ARHGAP10: variants seen among roughly 807,000 people sequenced by gnomAD.
ARHGAP10 encodes the protein Rho GTPase activating protein 10.
In ARHGAP10, 87 loss-of-function variants were observed where a neutral mutation model predicts 108.6. That is an observed-to-expected ratio of 0.80 (90% CI 0.67 to 0.96). The LOEUF (loss-of-function observed/expected upper bound fraction) is 0.96, where lower values mean the gene tolerates loss of function less well. ARHGAP10 is among the 40% of genes least tolerant of loss of function. The pLI is 0.00. For missense variants in ARHGAP10, 939 were observed against 954.5 expected (o/e 0.98, Z 0.21); for synonymous variants, 347 against 341.1 (o/e 1.02, Z -0.19).
intron 19 of ARHGAP10, among the ~76,000 whole-genome samples, chr4:148,041,054 C>A (rs943370567): frequency 3.3e-5 from 5 of 152,118 alleles, no homozygotes; most frequent in African/African-American, 1.2e-4. Context: ...TTTCAGCGTC[C>A]CCCAGCTAGC....
At chr4:147,942,153 TTTA>T (rs1223294470) in intron 14 of ARHGAP10, among the ~76,000 whole-genome samples, 4 of 152,214 alleles carry the variant, frequency 2.6e-5, no homozygotes, top group Admixed American at 2.6e-4. Context: ...GCAATTAGTG[TTTA>T]TTATTATTCC....
intron 13 of ARHGAP10, among the ~76,000 whole-genome samples, chr4:147,920,421 C>CA (rs992662212): frequency 3.3e-5 from 5 of 150,222 alleles, no homozygotes. Flanking sequence ...GAAACAAAAA[C>CA]AAAAAACCCA....
intron 1 of ARHGAP10, among the ~76,000 whole-genome samples, chr4:147,820,164 A>G (rs534992703): frequency 1.1e-4 from 16 of 152,296 alleles, no homozygotes; most frequent in South Asian, 1.0e-3. Context: ...AGGGAATAGC[A>G]AGTAAAGGGT....
At chr4:148,016,346 G>C (rs978730433) in intron 18 of ARHGAP10, among the ~76,000 whole-genome samples, 1 of 151,982 alleles carries the variant, frequency 6.6e-6, no homozygotes, top group African/African-American at 2.4e-5. Flanking sequence ...CTACAAAAAC[G>C]TTAAAAATTA....
In ARHGAP10 at chr4:147,994,930, A is replaced by G. The variant is rs1331550429; in HGVS notation, c.1716+28091A>G. 2.0e-5 allele frequency among the ~76,000 whole-genome samples: 3 copies of G among 152,228 alleles called. No individual in the cohort carries two copies. The South Asian group carries it at 6.2e-4, about 32-fold the overall frequency. ...TGCTAATAAGCACAGAGTAAGCTGT[A>G]CTTATTGATGGGTCGACGTGGAAAG... On this transcript the variant is annotated intron_variant, in intron 18 of 22. Transcript: ENST00000336498.
intron 8 of ARHGAP10, among the ~76,000 whole-genome samples, chr4:147,878,000 G>A (rs939219547): frequency 5.9e-5 from 9 of 151,906 alleles, no homozygotes; most frequent in Non-Finnish European, 1.2e-4. Flanking sequence ...GCAGTGGCAC[G>A]ATCTCATCTC....
chr4:147,947,736 T>G (rs139588840), intron 15 of ARHGAP10, among the ~76,000 whole-genome samples: 309 of 152,232 alleles, frequency 2.0e-3, no homozygotes, highest in Admixed American at 3.6e-3. Flanking sequence ...TACATAGGGT[T>G]GTTTTTCAGG....
intron 13 of ARHGAP10, among the ~76,000 whole-genome samples, chr4:147,928,619 A>G (rs1737552568): frequency 6.6e-6 from 1 of 152,196 alleles, no homozygotes; most frequent in South Asian, 2.1e-4. Flanking sequence ...TGTTCAAATA[A>G]TTATCATCCG....
chr4:148,062,097 G>A (rs138384850), intron 20 of ARHGAP10, among the ~76,000 whole-genome samples: 17 of 152,298 alleles, frequency 1.1e-4, no homozygotes, highest in African/African-American at 4.1e-4. Context: ...CTGCTGGGGC[G>A]GGACGGCCCC....
At chr4:147,839,437 C>T (rs1267071198) in intron 3 of ARHGAP10, among the ~76,000 whole-genome samples, 5 of 152,108 alleles carry the variant, frequency 3.3e-5, no homozygotes. Context: ...TGTAAAATTC[C>T]TTCTGTTTCA....
At chr4:147,816,093 G>C (rs1179171565) in intron 1 of ARHGAP10, among the ~76,000 whole-genome samples, 1 of 152,142 alleles carries the variant, frequency 6.6e-6, no homozygotes, top group Non-Finnish European at 1.5e-5. Flanking sequence ...AAAGACAGTT[G>C]GAAAATGAGT....
chr4:147,926,056 T>TGG (rs1290240061), intron 13 of ARHGAP10, among the ~76,000 whole-genome samples: 1 of 152,154 alleles, frequency 6.6e-6, no homozygotes, highest in Non-Finnish European at 1.5e-5. Flanking sequence ...TCCACCATGC[T>TGG]GGGGTGGTGT....
chr4:147,762,904 G>A (rs1579012932), intron 1 of ARHGAP10, among the ~76,000 whole-genome samples: 1 of 151,966 alleles, frequency 6.6e-6, no homozygotes, highest in East Asian at 1.9e-4. Context: ...CAGAACATCT[G>A]TCGCCCTTAT....
chr4:148,017,679 T>TG lies in ARHGAP10; in HGVS notation c.1717-5584_1717-5583insG, dbSNP rs1560876934. 1.8e-3 allele frequency among the ~76,000 whole-genome samples: 203 copies of TG among 114,732 alleles called. 7 individuals are homozygous for TG. The highest frequency in any genetic ancestry group is 6.5e-3 in the African/African-American group (157 of 24,276). The allele number at this position is 114,732 out of a possible 152,430, so 75.3% of individuals were successfully genotyped here. A position where few individuals can be genotyped will look rare whatever the true frequency, so the allele number is the denominator to read the frequency against. On this transcript the variant is annotated intron_variant, in intron 18 of 22. Transcript: ENST00000336498. ...ATATATATATATATATATATATATA[T>TG]ATATGTGTGTGTATGTAAAGGAATT...
intron 19 of ARHGAP10, among the ~76,000 whole-genome samples, chr4:148,025,088 G>A (rs965059470): frequency 6.6e-6 from 1 of 152,118 alleles, no homozygotes; most frequent in African/African-American, 2.4e-5. Context: ...TTTGATCATT[G>A]GATTGCTAAG....
At chr4:148,002,250 C>T (rs917078035) in intron 18 of ARHGAP10, among the ~76,000 whole-genome samples, 3 of 152,084 alleles carry the variant, frequency 2.0e-5, no homozygotes, top group Non-Finnish European at 4.4e-5. Context: ...GCCTTGCATC[C>T]CAGGGATGAA....
intron 10 of ARHGAP10, among the ~76,000 whole-genome samples, chr4:147,887,009 G>A (rs777968883): frequency 6.6e-6 from 1 of 151,954 alleles, no homozygotes; most frequent in Non-Finnish European, 1.5e-5. Flanking sequence ...CACCTGCCTC[G>A]GCCTCCCAAA....
At chr4:147,939,353 T>C (rs949042261) in intron 13 of ARHGAP10, among the ~76,000 whole-genome samples, 1 of 152,088 alleles carries the variant, frequency 6.6e-6, no homozygotes, top group Non-Finnish European at 1.5e-5. Flanking sequence ...GTAACAACTT[T>C]AAAAAAAATT....
intron 1 of ARHGAP10, among the ~76,000 whole-genome samples, chr4:147,780,475 A>G (rs548604612): frequency 1.9e-4 from 29 of 152,146 alleles, no homozygotes; most frequent in South Asian, 6.2e-4. Context: ...GGCAGTGTTT[A>G]TAGAGGTGAT....
Sources: gnomAD v4.1 joint callset for allele counts (sites outside exome capture counted in the v4.1 genomes callset) on GRCh38, gnomAD v4.1.1 for gene constraint, MANE v1.5 for transcripts, NCBI Gene and HGNC (gene_info 2026-07-23, HGNC 2026-07-21) for gene names.